The following PLCE1 variants were observed in gnomAD, a reference collection of about 807,000 sequenced individuals.
The protein encoded by PLCE1 is 1-phosphatidylinositol 4,5-bisphosphate phosphodiesterase epsilon-1.
Under a neutral mutation model 242.8 loss-of-function variants are expected in PLCE1, and 119 were observed. The observed-to-expected ratio is 0.49, with a 90% CI of 0.42 to 0.57. The LOEUF is 0.57. Ranked by LOEUF, PLCE1 falls within the 20% of genes least tolerant of loss-of-function variation. The pLI, the probability that PLCE1 is intolerant of heterozygous loss-of-function variation, is 0.00. For missense variants in PLCE1, 2,441 were observed against 2,788.8 expected (o/e 0.88, Z 2.81); for synonymous variants, 945 against 1,017.4 (o/e 0.93, Z 1.35).
chr10:94,120,536 G>C (rs2046269003), intron 2 of PLCE1, among the ~76,000 whole-genome samples: 1 of 152,090 alleles, frequency 6.6e-6, no homozygotes, highest in East Asian at 1.9e-4. Context: ...CATTCACTTG[G>C]GTCCCATTGG....
chr10:94,157,232 C>A (rs949971279), intron 3 of PLCE1, among the ~76,000 whole-genome samples: 1 of 152,190 alleles, frequency 6.6e-6, no homozygotes, highest in African/African-American at 2.4e-5. Context: ...TGAGTCTCCT[C>A]GTCGAGCTTC....
At chr10:94,177,779 G>A (rs1452927804) in intron 4 of PLCE1, among the ~76,000 whole-genome samples, 1 of 152,132 alleles carries the variant, frequency 6.6e-6, no homozygotes, top group Non-Finnish European at 1.5e-5. Flanking sequence ...TTTTCTAGAG[G>A]AAATGCAGAG....
intron 4 of PLCE1, among the ~76,000 whole-genome samples, chr10:94,210,639 G>A (rs775061080): frequency 4.6e-5 from 7 of 152,154 alleles, no homozygotes; most frequent in Non-Finnish European, 8.8e-5. Context: ...CCTTGGCTTT[G>A]TGCCTGTTGA....
In PLCE1 at chr10:94,031,511, A is replaced by G. The variant is rs1371118946; in HGVS notation, c.465A>G (p.Glu155=). 2.6e-5 allele frequency: 42 copies of G among 1,612,734 alleles called. No homozygotes were observed. The Admixed American group carries it at 6.8e-4, about 26-fold the overall frequency. The part of the protein sequence containing the change: ...ERKVFPGIQL[E]LDRPSMGISP... ...AGGTGTTCCCTGGAATTCAACTGGA[A>G]CTAGACAGACCTTCCATGGGCATTA... is the stretch of plus-strand genomic sequence containing the variant. The change falls in exon 2 of 33, where the codon GAA becomes GAG. Residue 155 remains glutamate (E), a synonymous_variant. Transcript: ENST00000371380.
At chr10:94,177,090 ACT>A (rs1032690627) in intron 4 of PLCE1, among the ~76,000 whole-genome samples, 4 of 152,112 alleles carry the variant, frequency 2.6e-5, no homozygotes, top group Admixed American at 6.5e-5. Context: ...TATTCTAACA[ACT>A]CTCTACACAA....
chr10:94,208,012 A>T (rs545486524), intron 4 of PLCE1, among the ~76,000 whole-genome samples: 28 of 152,356 alleles, frequency 1.8e-4, no homozygotes, highest in Non-Finnish European at 3.7e-4. Flanking sequence ...ATAAATCACC[A>T]TTTGGTAGCT....
chr10:94,189,056 G>A (rs1338457848), intron 4 of PLCE1, among the ~76,000 whole-genome samples: 1 of 148,252 alleles, frequency 6.7e-6, no homozygotes, highest in African/African-American at 2.5e-5. Flanking sequence ...ATACCCTTTT[G>A]CAGCTCTTTC....
chr10:94,163,096 T>G (rs1349484721), intron 3 of PLCE1, among the ~76,000 whole-genome samples: 1 of 152,222 alleles, frequency 6.6e-6, no homozygotes, highest in East Asian at 1.9e-4. Context: ...AATTTTGGAA[T>G]AGGTGTGGTG....
At chr10:94,253,180 A>G (rs1394995377) in intron 9 of PLCE1, among the ~76,000 whole-genome samples, 1 of 152,198 alleles carries the variant, frequency 6.6e-6, no homozygotes, top group Non-Finnish European at 1.5e-5. Flanking sequence ...TGGGTAATTT[A>G]TAAAGAAAGA....
intron 3 of PLCE1, among the ~76,000 whole-genome samples, chr10:94,161,586 T>C (rs1052147299): frequency 2.0e-5 from 3 of 152,218 alleles, no homozygotes; most frequent in African/African-American, 7.2e-5. Context: ...AGATACACAA[T>C]CATGTCATCT....
intron 2 of PLCE1, among the ~76,000 whole-genome samples, chr10:94,074,701 A>G (rs1217265139): frequency 2.0e-5 from 3 of 152,236 alleles, no homozygotes; most frequent in African/African-American, 7.2e-5. Flanking sequence ...TTGCCAGAAC[A>G]TAGATTTCAT....
intron 3 of PLCE1, among the ~76,000 whole-genome samples, chr10:94,156,901 A>G (rs2047449393): frequency 6.6e-6 from 1 of 152,216 alleles, no homozygotes; most frequent in Non-Finnish European, 1.5e-5. Flanking sequence ...GCCCTATGTC[A>G]GGAACTGGGA....
At position 94,171,192 on chromosome 10, in the gene PLCE1, G is replaced by C. The variant is rs927084372; in HGVS notation, c.1505G>C (p.Gly502Ala). The C allele has an allele frequency of 3.1e-6, 5 of 1,614,112 alleles. No individual in the cohort carries two copies. The South Asian group carries it at 5.5e-5, about 18-fold the overall frequency. Residue 502 changes from glycine to alanine, a missense_variant, in exon 4 of 33, where the codon GGC (glycine) becomes GCC (alanine). By Grantham distance (60) the Gly-to-Ala change is moderately conservative. This residue lies in a region of PLCE1 where 733 missense variants were observed against 754.2 expected (regional missense o/e 0.97). Coordinates refer to ENST00000371380, the MANE Select transcript of PLCE1 (RefSeq NM_016341.4). ...GRMMLKERQP[G>A]PSVANSNALP... ...TGCTTTGTTTTAGAACGCCAGCCAG[G>C]CCCCTCTGTGGCCAATTCCAATGCC...
At chr10:94,177,876 G>A (rs2048173855) in intron 4 of PLCE1, among the ~76,000 whole-genome samples, 2 of 152,168 alleles carry the variant, frequency 1.3e-5, no homozygotes, top group South Asian at 4.1e-4. Context: ...GAGATTGCAG[G>A]GCATCCTTCC....
At position 94,087,322 on chromosome 10, in the gene PLCE1, C is replaced by G. The variant is rs563586079; in HGVS notation, c.1207-44852C>G. 2.3e-5 allele frequency among the ~76,000 whole-genome samples: 3 copies of G among 131,398 alleles called. No homozygotes were observed. In the South Asian group the frequency reaches 7.3e-4, roughly 32 times the overall value. 86.2% of individuals were successfully genotyped at this position (131,398 alleles called of 152,430 possible). ...CTGTGATCACGCCACTGCACTCCAG[C>G]TTGGATGACAGAGCGAGACCCTGTC... On this transcript the variant is annotated intron_variant, in intron 2 of 32. Transcript: ENST00000371380.
chr10:94,296,900 G>A (rs1589497189), intron 23 of PLCE1, among the ~76,000 whole-genome samples: 1 of 151,062 alleles, frequency 6.6e-6, no homozygotes, highest in African/African-American at 2.4e-5. Context: ...TTGAGGCAGA[G>A]TCTCACCCTG....
At chr10:94,175,568 A>G (rs1167875583) in intron 4 of PLCE1, among the ~76,000 whole-genome samples, 1 of 152,214 alleles carries the variant, frequency 6.6e-6, no homozygotes, top group East Asian at 1.9e-4. Flanking sequence ...ATTAAAAACA[A>G]TCCAATTACA....
intron 18 of PLCE1, among the ~76,000 whole-genome samples, chr10:94,272,391 C>T (rs1339138570): frequency 1.3e-5 from 2 of 152,102 alleles, no homozygotes; most frequent in African/African-American, 2.4e-5. Context: ...TTTGCCTGAC[C>T]CTGCAGGCGG....
chr10:94,182,581 T>C (rs1247751078), intron 4 of PLCE1, among the ~76,000 whole-genome samples: 1 of 152,148 alleles, frequency 6.6e-6, no homozygotes, highest in Non-Finnish European at 1.5e-5. Context: ...CATCTTCATT[T>C]CTTTTCTTTC....
Sources: gnomAD v4.1 joint callset for allele counts (sites outside exome capture counted in the v4.1 genomes callset) on GRCh38, gnomAD v4.1.1 for gene constraint, gnomAD v4.1.1 regional missense constraint, MANE v1.5 for transcripts, NCBI Gene and HGNC (gene_info 2026-07-23, HGNC 2026-07-21) for gene names.